Variants in MGAT4C observed in about 807,000 individuals in gnomAD.
The protein encoded by MGAT4C is MGAT4 family member C.
In MGAT4C, 19 loss-of-function variants were observed where a neutral mutation model predicts 40.1. That is an observed-to-expected ratio of 0.47 (90% confidence interval 0.33 to 0.70). MGAT4C has a LOEUF of 0.70. Ranked by LOEUF, MGAT4C falls within the 30% of genes least tolerant of loss-of-function variation. The pLI is 0.02. For synonymous variants in MGAT4C, 181 were observed against 187.1 expected (o/e 0.97, Z 0.27); for missense variants, 491 against 563.2 (o/e 0.87, Z 1.30).
intron 1 of MGAT4C, among the ~76,000 whole-genome samples, chr12:86,109,425 G>GA (rs1212499707): frequency 6.6e-6 from 1 of 151,966 alleles, no homozygotes; most frequent in African/African-American, 2.4e-5. Flanking sequence ...TTAAACAGAA[G>GA]AAAACAGAAA....
chr12:86,265,430 C>T (rs1207202207), intron 4 of MGAT4C, among the ~76,000 whole-genome samples: 2 of 152,176 alleles, frequency 1.3e-5, no homozygotes, highest in Non-Finnish European at 2.9e-5. Flanking sequence ...GTCCTTTCCC[C>T]AATGTGTATT....
intron 1 of MGAT4C, among the ~76,000 whole-genome samples, chr12:86,772,242 A>G (rs983826122): frequency 6.6e-6 from 1 of 152,182 alleles, no homozygotes; most frequent in Non-Finnish European, 1.5e-5. Flanking sequence ...GACTGTCCTC[A>G]TGTTTGATGG....
chr12:86,801,719 T>C (rs569594156), intron 1 of MGAT4C, among the ~76,000 whole-genome samples: 1 of 151,966 alleles, frequency 6.6e-6, no homozygotes, highest in Non-Finnish European at 1.5e-5. Flanking sequence ...TGATCTGACA[T>C]GTATTACCTT....
intron 1 of MGAT4C, among the ~76,000 whole-genome samples, chr12:86,255,073 A>T (rs1952461008): frequency 6.6e-6 from 1 of 152,160 alleles, no homozygotes; most frequent in Non-Finnish European, 1.5e-5. Flanking sequence ...TGTTAAAGGC[A>T]CAGTAAAAAT....
intron 1 of MGAT4C, among the ~76,000 whole-genome samples, chr12:86,806,464 A>G (rs1305270241): frequency 1.4e-5 from 2 of 140,716 alleles, no homozygotes; most frequent in Non-Finnish European, 3.2e-5. Context: ...GAGAGAGTAT[A>G]TGTGTGTTTA....
intron 2 of MGAT4C, among the ~76,000 whole-genome samples, chr12:85,996,203 A>G (rs1394670214): frequency 1.3e-5 from 2 of 152,234 alleles, no homozygotes; most frequent in Non-Finnish European, 2.9e-5. Flanking sequence ...AAGAAAAAGG[A>G]TATTAAAAAG....
At chr12:86,181,941 G>T (rs1157820134) in intron 1 of MGAT4C, among the ~76,000 whole-genome samples, 2 of 151,826 alleles carry the variant, frequency 1.3e-5, no homozygotes, top group African/African-American at 2.4e-5. Context: ...AATTGAGTTA[G>T]ATCATTTCCT....
At chr12:86,118,119 T>G (rs1236090722) in intron 1 of MGAT4C, among the ~76,000 whole-genome samples, 1 of 152,174 alleles carries the variant, frequency 6.6e-6, no homozygotes, top group Non-Finnish European at 1.5e-5. Flanking sequence ...CCAGGATACA[T>G]GAATAACATT....
intron 2 of MGAT4C, among the ~76,000 whole-genome samples, chr12:86,603,586 C>T (rs1167001382): frequency 7.7e-5 from 9 of 116,712 alleles, no homozygotes; most frequent in African/African-American, 1.4e-4. Context: ...AATATATAGT[C>T]ATATAGTCTA....
intron 1 of MGAT4C, among the ~76,000 whole-genome samples, chr12:86,243,754 G>A (rs56312706): frequency 0.047 from 7,205 of 151,986 alleles, 573 homozygotes; most frequent in African/African-American, 0.16. Flanking sequence ...GAACTCCAGA[G>A]AGAAAAAAAG....
intron 1 of MGAT4C, among the ~76,000 whole-genome samples, chr12:86,254,710 C>A (rs1952443170): frequency 6.6e-6 from 1 of 151,964 alleles, no homozygotes; most frequent in African/African-American, 2.4e-5. Context: ...ACAGAATATA[C>A]CAACTTAAAT....
In MGAT4C at chr12:86,384,570, A is replaced by G. The variant is rs575696068; in HGVS notation, c.-119-50443T>C. Among the ~76,000 whole-genome samples the G allele has an allele frequency of 7.5e-4, 114 of 152,378 alleles. 2 individuals carry two copies. The South Asian group carries it at 0.023, about 31-fold the overall frequency. On this transcript the variant is annotated intron_variant, in intron 3 of 7. Transcript: ENST00000548651. ...GCCCAAACGCATTAGTATTTGATAC[A>G]GCAAGAAAAACATCTAAATTGTGAA...
At chr12:86,654,880 T>G (rs544569337) in intron 2 of MGAT4C, among the ~76,000 whole-genome samples, 1 of 152,010 alleles carries the variant, frequency 6.6e-6, no homozygotes, top group East Asian at 1.9e-4. Context: ...CATCAATTAC[T>G]AGAACTTTTT....
intron 1 of MGAT4C, among the ~76,000 whole-genome samples, chr12:86,214,531 G>A (rs1301368381): frequency 6.6e-6 from 1 of 152,162 alleles, no homozygotes; most frequent in African/African-American, 2.4e-5. Context: ...AGTTCTGGAT[G>A]CTGAAAAGAT....
At position 86,502,891 on chromosome 12, in the gene MGAT4C, C is replaced by CAT. The variant is rs368482178; in HGVS notation, c.-228-67628_-228-67627dup. Among the ~76,000 whole-genome samples the CAT allele has an allele frequency of 0.011, 49 of 4,660 alleles. 13 individuals carry two copies. The East Asian group carries it at 0.11, about 10-fold the overall frequency. The allele number at this position is 4,660 out of a possible 152,430, so 3.1% of individuals were successfully genotyped here. Reference sequence around the variant, plus strand: ...TATATATATATATATGAGTTCTGCTCATATATATATATATATGAGTTCTGC... The same window carrying CAT: ...TATATATATATATATGAGTTCTGCTCATATATATATATATATATGAGTTCTGC... On this transcript the variant is annotated intron_variant, in intron 2 of 7. Transcript: ENST00000548651.
chr12:86,799,611 T>C (rs1268946734), intron 1 of MGAT4C, among the ~76,000 whole-genome samples: 3 of 151,952 alleles, frequency 2.0e-5, no homozygotes, highest in African/African-American at 7.2e-5. Context: ...AGCTACTTAA[T>C]AGTAAATCAT....
At chr12:86,395,338 A>C (rs1956241211) in intron 3 of MGAT4C, among the ~76,000 whole-genome samples, 1 of 152,162 alleles carries the variant, frequency 6.6e-6, no homozygotes, top group East Asian at 1.9e-4. Flanking sequence ...AATATTATTC[A>C]TGGTTTACTT....
At chr12:86,290,998 C>A (rs1390409136) in intron 4 of MGAT4C, among the ~76,000 whole-genome samples, 1 of 151,944 alleles carries the variant, frequency 6.6e-6, no homozygotes, top group East Asian at 1.9e-4. Flanking sequence ...CAACCAAGAC[C>A]CAGAGAAATT....
At chr12:86,251,137 T>G (rs955872937) in intron 1 of MGAT4C, among the ~76,000 whole-genome samples, 2 of 151,390 alleles carry the variant, frequency 1.3e-5, no homozygotes, top group African/African-American at 4.8e-5. Flanking sequence ...TCCCGTTTTT[T>G]TTTTTTTTTT....
Sources: gnomAD v4.1 joint callset for allele counts (sites outside exome capture counted in the v4.1 genomes callset) on GRCh38, gnomAD v4.1.1 for gene constraint, MANE v1.5 for transcripts, NCBI Gene and HGNC (gene_info 2026-07-23, HGNC 2026-07-21) for gene names.